The following SLX9 variants were observed in gnomAD, a reference collection of about 807,000 sequenced individuals.
SLX9 encodes the protein ribosome biogenesis protein SLX9 homolog.
SLX9 carries 19 observed loss-of-function variants against 20.8 expected under a neutral mutation model. That is an observed-to-expected ratio of 0.91 (90% CI 0.64 to 1.34). SLX9 has a LOEUF of 1.34. SLX9 is among the 40% of genes most tolerant of loss of function. SLX9 has a pLI of 0.00. For missense variants in SLX9, 299 were observed against 322.2 expected, an observed-to-expected ratio of 0.93 and a Z score of 0.55; for synonymous variants, 113 against 137.1, an observed-to-expected ratio of 0.82 and a Z score of 1.23.
chr21:44,941,454 G>GT (rs879290247), intron 1 of SLX9, among the ~76,000 whole-genome samples: 3,830 of 145,636 alleles, frequency 0.026, 158 homozygotes, highest in African/African-American at 0.088. Flanking sequence ...TGCCCCCTTG[G>GT]TTTTTTTTTT....
chr21:44,948,308 G>A lies in SLX9; in HGVS notation c.283+4471G>A, dbSNP rs535055991. On this transcript the variant is annotated intron_variant, in intron 2 of 5. Coordinates refer to ENST00000291634, the MANE Select transcript of SLX9 (RefSeq NM_058190.4). ...CTGGTCGTGGAGCATCGGGCGGTCC[G>A]GGGAGCTGGTCGTGGAGCATCGGGC... Among the ~76,000 whole-genome samples the A allele has an allele frequency of 2.3e-3, 317 of 136,928 alleles. 1 individual carries two copies. The highest frequency in any genetic ancestry group is 9.0e-3 in the African/African-American group (294 of 32,540). The allele number at this position is 136,928 out of a possible 152,430, so 89.8% of individuals were successfully genotyped here.
intron 4 of SLX9, among the ~76,000 whole-genome samples, chr21:44,970,974 C>G (rs548490991): frequency 5.4e-4 from 82 of 152,324 alleles, no homozygotes; most frequent in Admixed American, 2.2e-3. Context: ...GAGCTGGAAT[C>G]TCAGAGGCCA....
intron 2 of SLX9, among the ~76,000 whole-genome samples, chr21:44,947,278 C>T (rs1046405759): frequency 1.3e-5 from 2 of 152,216 alleles, no homozygotes; most frequent in Non-Finnish European, 2.9e-5. Flanking sequence ...GGTGAGGTGG[C>T]GGCCTGTGGG....
intron 3 of SLX9, among the ~76,000 whole-genome samples, chr21:44,963,243 C>A (rs1341711928): frequency 1.3e-5 from 2 of 152,092 alleles, no homozygotes; most frequent in Admixed American, 1.3e-4. Context: ...CACCCGCCAC[C>A]GTGCCCGGCT....
chr21:44,970,104 C>G (rs564811461), intron 4 of SLX9, among the ~76,000 whole-genome samples: 13 of 152,328 alleles, frequency 8.5e-5, no homozygotes, highest in East Asian at 3.9e-4. Context: ...TTGAGACCCC[C>G]CCTCCATGCT....
At chr21:44,939,842 C>G, upstream of SLX9, 1 of 572,290 alleles carries the variant, frequency 1.7e-6, no homozygotes, top group Non-Finnish European at 3.1e-6. Flanking sequence ...CTCCGCGCCA[C>G]CCGCGTCCTC....
At chr21:44,943,542 T>A (rs1409918593) in intron 1 of SLX9, 142 bp from the exon 2 acceptor site, 1 of 1,170,318 alleles carries the variant, frequency 8.5e-7, no homozygotes, top group African/African-American at 1.5e-5. Flanking sequence ...GTGAGGGTTG[T>A]TTCCCCCAGG....
Position 44,963,277 on chromosome 21 carries a change from G to A in SLX9, c.352+3109G>A, listed in dbSNP as rs548708520. Among the ~76,000 whole-genome samples the A allele has an allele frequency of 3.5e-3, 526 of 152,010 alleles. 2 individuals are homozygous for A. Among genetic ancestry groups the A allele is most frequent in the Non-Finnish European group, 5.7e-3 (387 of 67,972 alleles). ...CTAATTTTTTTGTATTTTTAGTAGA[G>A]ATGGGGTTTCACCGTGTTAGCAGGA... is the stretch of plus-strand genomic sequence containing the variant. On this transcript the variant is annotated intron_variant, in intron 3 of 5. Coordinates refer to ENST00000291634, the MANE Select transcript of SLX9 (RefSeq NM_058190.4).
At chr21:44,973,844 C>T (rs2085210257) in intron 5 of SLX9, among the ~76,000 whole-genome samples, 1 of 152,194 alleles carries the variant, frequency 6.6e-6, no homozygotes. Context: ...CTTTTCAGTG[C>T]AGTCAGGTCC....
chr21:44,976,035 G>A (rs1031506442), intron 5 of SLX9, among the ~76,000 whole-genome samples: 2 of 152,256 alleles, frequency 1.3e-5, no homozygotes, highest in African/African-American at 4.8e-5. Flanking sequence ...TGGCAGCTGC[G>A]GCAGAGCCCG....
intron 3 of SLX9, among the ~76,000 whole-genome samples, chr21:44,964,783 C>T (rs1356100414): frequency 1.3e-5 from 2 of 152,240 alleles, no homozygotes; most frequent in Non-Finnish European, 2.9e-5. Context: ...CTATGAGGTG[C>T]AACATTTCCT....
intron 3 of SLX9, among the ~76,000 whole-genome samples, chr21:44,963,998 A>G (rs1228255352): frequency 6.6e-6 from 1 of 152,260 alleles, no homozygotes; most frequent in Non-Finnish European, 1.5e-5. Context: ...TCTATAGATC[A>G]GTTCAGAATT....
At chr21:44,943,158 G>C (rs756096438) in intron 1 of SLX9, among the ~76,000 whole-genome samples, 9 of 152,128 alleles carry the variant, frequency 5.9e-5, no homozygotes, top group South Asian at 2.1e-4. Flanking sequence ...CTCACGGTTT[G>C]GTCGGCAGCT....
intron 2 of SLX9, among the ~76,000 whole-genome samples, chr21:44,946,457 G>C (rs1246045998): frequency 6.6e-6 from 1 of 152,230 alleles, no homozygotes; most frequent in East Asian, 1.9e-4. Flanking sequence ...CCGTGCGGCA[G>C]GGTCAGGGTT....
rs974665248 is a variant in SLX9 at position 44,940,149 on chromosome 21, C to A, written c.92C>A (p.Pro31Gln). The part of the protein sequence containing the change: ...EAAPGPAPPA[P>Q]EATPPPASAA... ...GCCCCCGGCCCCGCGCCCCCTGCCCCGGAGGCGACCCCTCCGCCGGCCTCG... is the reference window on the plus strand; with the variant it reads ...GCCCCCGGCCCCGCGCCCCCTGCCCAGGAGGCGACCCCTCCGCCGGCCTCG... The change falls in exon 1 of 6, where the codon CCG (proline) becomes CAG (glutamine). Residue 31 changes from proline to glutamine, a missense_variant. Coordinates refer to ENST00000291634, the MANE Select transcript of SLX9 (RefSeq NM_058190.4). 1 of 1,305,030 alleles carries A rather than the reference C, an allele frequency of 7.7e-7. No individual in the cohort carries two copies. Among genetic ancestry groups the A allele is most frequent in the South Asian group, 2.4e-5 (1 of 41,966 alleles). The allele number at this position is 1,305,030 out of a possible 1,614,324, so 80.8% of individuals were successfully genotyped here.
At chr21:44,939,788 C>T, upstream of SLX9, 1 of 552,066 alleles carries the variant, frequency 1.8e-6, no homozygotes, top group Non-Finnish European at 3.4e-6. Flanking sequence ...CAACCCCGGG[C>T]TTGGGTCCCC....
At chr21:44,958,670 C>T (rs1224714411) in intron 2 of SLX9, among the ~76,000 whole-genome samples, 2 of 152,270 alleles carry the variant, frequency 1.3e-5, no homozygotes, top group African/African-American at 2.4e-5. Flanking sequence ...GCAAGGGCGC[C>T]TTGGGCCCGG....
At chr21:44,971,037 C>T (rs1013766934) in intron 4 of SLX9, among the ~76,000 whole-genome samples, 4 of 148,342 alleles carry the variant, frequency 2.7e-5, no homozygotes, top group Admixed American at 1.4e-4. Context: ...AAGCAGGCAT[C>T]GAGCGACACT....
At chr21:44,975,720 G>C (rs1228793273) in intron 5 of SLX9, among the ~76,000 whole-genome samples, 2 of 152,354 alleles carry the variant, frequency 1.3e-5, no homozygotes, top group Non-Finnish European at 2.9e-5. Context: ...CTGACTTTAC[G>C]GGGACAGCCC....
Sources: gnomAD v4.1 joint callset for allele counts (sites outside exome capture counted in the v4.1 genomes callset) on GRCh38, gnomAD v4.1.1 for gene constraint, MANE v1.5 for transcripts, NCBI Gene and HGNC (gene_info 2026-07-23, HGNC 2026-07-21) for gene names.